AFF2: variants seen among roughly 807,000 people sequenced by gnomAD.
AFF2 encodes the protein ALF transcription elongation factor 2, also known as AF4/FMR2 family member 2.
A neutral mutation model predicts 76.9 loss-of-function variants in AFF2; 14 were observed. That is an observed-to-expected ratio of 0.18 (90% CI 0.12 to 0.28). The LOEUF is 0.28. AFF2 is among the 10% of genes least tolerant of loss of function. The pLI is 1.00. For missense variants in AFF2, 868 were observed against 1,001.1 expected (o/e 0.87, Z 1.79); for synonymous variants, 398 against 366.7 (o/e 1.09, Z -0.98).
chrX:148,520,474 C>A (rs1403803218), intron 1 of AFF2, among the ~76,000 whole-genome samples: 1 of 111,610 alleles, frequency 9.0e-6, no homozygotes, highest in Non-Finnish European at 1.9e-5. Flanking sequence ...GGTAGGCACC[C>A]GGCTCCCACG....
chrX:148,515,390 CT>C (rs1372445425), intron 1 of AFF2, among the ~76,000 whole-genome samples: 2 of 112,177 alleles, frequency 1.8e-5, no homozygotes, highest in Non-Finnish European at 3.8e-5. Context: ...AGCTGTTTTG[CT>C]TTAGCTAATA....
intron 9 of AFF2, among the ~76,000 whole-genome samples, chrX:148,922,617 A>C (rs782279086): frequency 3.6e-5 from 4 of 112,524 alleles, no homozygotes; most frequent in Non-Finnish European, 7.5e-5. Flanking sequence ...ACTGGAAAGT[A>C]GTTCTAATCT....
chrX:148,920,660 G>A (rs2071584416), intron 9 of AFF2, among the ~76,000 whole-genome samples: 1 of 109,880 alleles, frequency 9.1e-6, no homozygotes, highest in Non-Finnish European at 1.9e-5. Flanking sequence ...ATTTGGTGGA[G>A]GGTGGTTAAA....
chrX:148,952,675 G>A (rs1024833153), intron 9 of AFF2, among the ~76,000 whole-genome samples: 2 of 111,988 alleles, frequency 1.8e-5, no homozygotes, highest in Admixed American at 9.4e-5. Context: ...GCAAACGATC[G>A]GTATGGAGGA....
chrX:148,831,427 GAACT>G (rs1208557555), intron 4 of AFF2, among the ~76,000 whole-genome samples: 1 of 112,106 alleles, frequency 8.9e-6, no homozygotes, highest in East Asian at 2.8e-4. Flanking sequence ...TTAATTTGGG[GAACT>G]AATAAATGTC....
At chrX:148,691,705 T>C (rs183302785) in intron 3 of AFF2, among the ~76,000 whole-genome samples, 146 of 111,823 alleles carry the variant, frequency 1.3e-3, no homozygotes, top group African/African-American at 4.5e-3. Flanking sequence ...GAGTATCAGC[T>C]GTGTTGGGGA....
At chrX:148,779,590 A>G (rs184302831) in intron 3 of AFF2, among the ~76,000 whole-genome samples, 2 of 110,906 alleles carry the variant, frequency 1.8e-5, no homozygotes, top group East Asian at 5.7e-4. Context: ...TTTGCTTTCA[A>G]TTTGCTTGAT....
chrX:148,652,797 C>T (rs892824734), intron 2 of AFF2, among the ~76,000 whole-genome samples: 4 of 111,478 alleles, frequency 3.6e-5, no homozygotes, highest in African/African-American at 1.3e-4. Flanking sequence ...TCTGAACTTT[C>T]TATTTGGGGT....
At chrX:148,653,786 C>T (rs2054225456) in intron 2 of AFF2, among the ~76,000 whole-genome samples, 1 of 111,463 alleles carries the variant, frequency 9.0e-6, no homozygotes, top group East Asian at 2.8e-4. Context: ...TTAATGGTTC[C>T]CAAGTTTTTT....
chrX:148,532,528 T>C (rs782189271), intron 1 of AFF2, among the ~76,000 whole-genome samples: 9 of 112,338 alleles, frequency 8.0e-5, no homozygotes, highest in Non-Finnish European at 1.3e-4. Flanking sequence ...AAAAACAGTT[T>C]CTGTCCATGA....
intron 3 of AFF2, among the ~76,000 whole-genome samples, chrX:148,780,972 C>T (rs1557269045): frequency 8.9e-6 from 1 of 111,938 alleles, no homozygotes; most frequent in Admixed American, 9.5e-5. Context: ...GATGCTATTG[C>T]TTTCTGTTTG....
At chrX:148,806,567 A>G (rs2070136585) in intron 3 of AFF2, among the ~76,000 whole-genome samples, 1 of 111,945 alleles carries the variant, frequency 8.9e-6, no homozygotes, top group Non-Finnish European at 1.9e-5. Flanking sequence ...GAAGGCAGAA[A>G]TGATGCTGCC....
chrX:148,677,278 C>A (rs1460222051), intron 3 of AFF2, among the ~76,000 whole-genome samples: 2 of 111,147 alleles, frequency 1.8e-5, no homozygotes, highest in Non-Finnish European at 3.8e-5. Context: ...GTAAGTTTTT[C>A]CCTTTATCTC....
At chrX:148,959,730 A>T (rs2072086289) in intron 12 of AFF2, among the ~76,000 whole-genome samples, 1 of 112,513 alleles carries the variant, frequency 8.9e-6, no homozygotes, top group African/African-American at 3.2e-5. Context: ...AGACCCTTCC[A>T]GTGGAGCAAG....
chrX:148,894,270 T>A (rs2071255933), intron 8 of AFF2, among the ~76,000 whole-genome samples: 1 of 111,747 alleles, frequency 8.9e-6, no homozygotes, highest in Non-Finnish European at 1.9e-5. Flanking sequence ...CAAGAATGCT[T>A]AACTCTACCC....
chrX:148,945,997 T>C (rs2071896149), intron 9 of AFF2, among the ~76,000 whole-genome samples: 1 of 112,176 alleles, frequency 8.9e-6, no homozygotes, highest in Admixed American at 9.4e-5. Context: ...CTGGTCAATC[T>C]ACAGAAAGGA....
chrX:148,540,753 T>C (rs1250230583), intron 1 of AFF2, among the ~76,000 whole-genome samples: 1 of 111,524 alleles, frequency 9.0e-6, no homozygotes, highest in Non-Finnish European at 1.9e-5. Context: ...AATCCTGACT[T>C]CCAGAAGTAG....
intron 1 of AFF2, among the ~76,000 whole-genome samples, chrX:148,527,023 T>C (rs1157254076): frequency 8.9e-6 from 1 of 112,238 alleles, no homozygotes; most frequent in East Asian, 2.8e-4. Context: ...AATATTTACA[T>C]AATTTCTAAG....
intron 3 of AFF2, among the ~76,000 whole-genome samples, chrX:148,745,903 C>T (rs1250764459): frequency 2.7e-5 from 3 of 110,499 alleles, no homozygotes; most frequent in Non-Finnish European, 5.7e-5. Context: ...CCACCACGCC[C>T]GGCTAATTTA....
Sources: gnomAD v4.1 joint callset for allele counts (sites outside exome capture counted in the v4.1 genomes callset) on GRCh38, gnomAD v4.1.1 for gene constraint, MANE v1.5 for transcripts, NCBI Gene and HGNC (gene_info 2026-07-23, HGNC 2026-07-21) for gene names.